The following NCOA1 variants were observed in gnomAD, a reference collection of about 807,000 sequenced individuals.
The protein encoded by NCOA1 is nuclear receptor coactivator 1, also known as Hin-2 protein.
In NCOA1, 35 loss-of-function variants were observed where a neutral mutation model predicts 150.9. The ratio of observed to expected loss-of-function variants is 0.23; its 90% CI spans 0.18 to 0.31. The LOEUF (loss-of-function observed/expected upper bound fraction) is 0.31, where lower values mean the gene tolerates loss of function less well. NCOA1 is among the 10% of genes least tolerant of loss of function. NCOA1 has a pLI of 1.00. For missense variants in NCOA1, 1,491 were observed against 1,749.3 expected (o/e 0.85, Z 2.63); for synonymous variants, 590 against 630.0 (o/e 0.94, Z 0.95).
intron 1 of NCOA1, chr2:24,555,909 T>G (rs1274087652): frequency 6.6e-6 from 1 of 152,228 alleles, no homozygotes; most frequent in Non-Finnish European, 1.5e-5. Flanking sequence ...TAAGCTTAGA[T>G]TATTTCTACT....
At chr2:24,676,579 C>A (rs930024322) in intron 7 of NCOA1, among the ~76,000 whole-genome samples, 1 of 152,162 alleles carries the variant, frequency 6.6e-6, no homozygotes, top group African/African-American at 2.4e-5. Context: ...GTTTTCTTAA[C>A]CTCCAAACAA....
intron 19 of NCOA1, among the ~76,000 whole-genome samples, chr2:24,743,917 TTCTG>T (rs1289349750): frequency 7.2e-5 from 11 of 152,214 alleles, no homozygotes; most frequent in African/African-American, 2.7e-4. Flanking sequence ...GAAATAGTAT[TTCTG>T]TCCATTTTCA....
chr2:24,567,075 G>A (rs942009011), intron 2 of NCOA1, among the ~76,000 whole-genome samples: 3 of 152,222 alleles, frequency 2.0e-5, no homozygotes, highest in Non-Finnish European at 2.9e-5. Context: ...CTCTAGATGG[G>A]CCGCTGCTGC....
chr2:24,705,948 T>C (rs2148591923), intron 12 of NCOA1, among the ~76,000 whole-genome samples: 1 of 152,328 alleles, frequency 6.6e-6, no homozygotes, highest in African/African-American at 2.4e-5. Context: ...TTGTGGTTTT[T>C]TTCTACTTTT....
chr2:24,506,123 A>G (rs1299881584), intron 1 of NCOA1, among the ~76,000 whole-genome samples: 3 of 151,952 alleles, frequency 2.0e-5, no homozygotes, highest in South Asian at 4.2e-4. Context: ...CTGGTTTGCA[A>G]GTGTTCCTGT....
At chr2:24,532,672 G>A (rs912033501) in intron 1 of NCOA1, among the ~76,000 whole-genome samples, 1 of 152,110 alleles carries the variant, frequency 6.6e-6, no homozygotes, top group Non-Finnish European at 1.5e-5. Context: ...TCTACATATG[G>A]CTAACCAGCT....
chr2:24,513,397 T>C (rs955037089), intron 1 of NCOA1, among the ~76,000 whole-genome samples: 3 of 151,324 alleles, frequency 2.0e-5, no homozygotes, highest in Non-Finnish European at 4.4e-5. Flanking sequence ...TGCAGTACCC[T>C]TTTTTTTTCT....
intron 2 of NCOA1, among the ~76,000 whole-genome samples, chr2:24,584,092 T>C (rs1468098686): frequency 1.3e-5 from 2 of 152,178 alleles, no homozygotes; most frequent in Non-Finnish European, 2.9e-5. Flanking sequence ...GTGATTGATA[T>C]GCCATTACCC....
At chr2:24,698,022 T>C (rs1183207969) in intron 11 of NCOA1, among the ~76,000 whole-genome samples, 1 of 151,980 alleles carries the variant, frequency 6.6e-6, no homozygotes, top group Non-Finnish European at 1.5e-5. Flanking sequence ...TGGTCACTCA[T>C]TCATTCATTC....
At chr2:24,753,371 A>G (rs1448380756) in intron 20 of NCOA1, among the ~76,000 whole-genome samples, 1 of 105,830 alleles carries the variant, frequency 9.4e-6, no homozygotes, top group Non-Finnish European at 2.3e-5. Flanking sequence ...GGCTTGGGGA[A>G]AAAAAAAAAC....
chr2:24,607,895 G>A (rs570079187), intron 3 of NCOA1, among the ~76,000 whole-genome samples: 4 of 152,080 alleles, frequency 2.6e-5, no homozygotes, highest in South Asian at 2.1e-4. Context: ...GGTTGAATTC[G>A]TTTTTCTTTT....
chr2:24,715,437 A>G (rs557187609), intron 14 of NCOA1, among the ~76,000 whole-genome samples: 25 of 152,210 alleles, frequency 1.6e-4, no homozygotes, highest in Non-Finnish European at 3.1e-4. Flanking sequence ...GCTAGAGGCT[A>G]AAGTTAAAAA....
At position 24,554,470 on chromosome 2, in the gene NCOA1, A is replaced by G. The variant is rs1430902846; in HGVS notation, c.-395-9825A>G. 2.0e-5 allele frequency: 3 copies of G among 152,222 alleles called. No homozygotes were observed. In the South Asian group the frequency reaches 6.2e-4, roughly 32 times the overall value. 9.4% of individuals were successfully genotyped at this position (152,222 alleles called of 1,614,324 possible). A position where few individuals can be genotyped will look rare whatever the true frequency, so the allele number is the denominator to read the frequency against. ...AGAGAGAGGGGACTTCGGAGAGGAA[A>G]AGAGGACAGGAGATACGGCAATCGT... is the stretch of plus-strand genomic sequence containing the variant. On this transcript the variant is annotated intron_variant, in intron 1 of 22. Transcript: ENST00000348332.
chr2:24,524,547 G>A (rs186933381), intron 1 of NCOA1, among the ~76,000 whole-genome samples: 3 of 151,922 alleles, frequency 2.0e-5, no homozygotes, highest in Non-Finnish European at 4.4e-5. Context: ...CTCATGCCTC[G>A]GCCTCCCAAA....
chr2:24,547,865 C>T (rs1007535419), intron 1 of NCOA1, among the ~76,000 whole-genome samples: 3 of 151,364 alleles, frequency 2.0e-5, no homozygotes, highest in Admixed American at 6.6e-5. Context: ...GGCGGGCACC[C>T]GTAGTCTCAG....
chr2:24,731,549 AAAGAG>A (rs550065127), intron 17 of NCOA1, among the ~76,000 whole-genome samples: 183 of 152,340 alleles, frequency 1.2e-3, no homozygotes, highest in African/African-American at 3.9e-3. Context: ...GAAGATGACG[AAAGAG>A]AAGAGAAAAG....
At position 24,729,694 on chromosome 2, in the gene NCOA1, C is replaced by T. The variant is rs1432154940; in HGVS notation, c.3080C>T (p.Pro1027Leu). The T allele has an allele frequency of 1.9e-6, 3 of 1,614,200 alleles. No individual in the cohort carries two copies. Among genetic ancestry groups the T allele is most frequent in the Non-Finnish European group, 2.5e-6 (3 of 1,180,046 alleles). The change falls in exon 17 of 23, where the codon CCT (proline) becomes CTT (leucine). Residue 1027 changes from proline to leucine, a missense_variant. This residue lies in a region of NCOA1 where 485 missense variants were observed against 522.8 expected (regional missense o/e 0.93). Transcript: ENST00000348332. ...SLGTMPVQVT[P>L]PRGAFSPGMG... ...GGGACGATGCCTGTTCAAGTAACACCTCCCCGAGGTGCTTTTTCACCTGGC... is the reference window on the plus strand; with the variant it reads ...GGGACGATGCCTGTTCAAGTAACACTTCCCCGAGGTGCTTTTTCACCTGGC...
At chr2:24,566,111 G>T (rs1407190080) in intron 2 of NCOA1, among the ~76,000 whole-genome samples, 1 of 152,196 alleles carries the variant, frequency 6.6e-6, no homozygotes, top group Non-Finnish European at 1.5e-5. Flanking sequence ...CCGAGTTCTT[G>T]TCCCACACCC....
chr2:24,637,538 G>T (rs374411934), intron 3 of NCOA1, among the ~76,000 whole-genome samples: 1 of 151,822 alleles, frequency 6.6e-6, no homozygotes, highest in Non-Finnish European at 1.5e-5. Flanking sequence ...CATGTCCTTT[G>T]TAGGGACATG....
Sources: allele counts gnomAD v4.1 joint callset (sites outside exome capture counted in the v4.1 genomes callset), GRCh38; gene constraint gnomAD v4.1.1; regional missense constraint gnomAD v4.1.1; transcripts MANE v1.5; gene names NCBI Gene and HGNC (gene_info 2026-07-23, HGNC 2026-07-21).